The following HSF5 variants were observed in gnomAD, a reference collection of about 807,000 sequenced individuals.
The protein encoded by HSF5 is heat shock factor protein 5.
A neutral mutation model predicts 50.8 loss-of-function variants in HSF5; 5 were observed. That is an observed-to-expected ratio of 0.10 (90% CI 0.05 to 0.21). HSF5 has a LOEUF of 0.21. Among genes scored for constraint, HSF5 ranks in the 10% least tolerant of loss-of-function variants. The pLI is 1.00. For missense variants in HSF5, 564 were observed against 762.6 expected, an observed-to-expected ratio of 0.74 and a Z score of 3.07; for synonymous variants, 307 against 307.4, an observed-to-expected ratio of 1.00 and a Z score of 0.02.
intron 5 of HSF5, among the ~76,000 whole-genome samples, chr17:58,426,895 C>A (rs183281128): frequency 2.6e-5 from 4 of 152,190 alleles, no homozygotes; most frequent in Admixed American, 2.6e-4. Context: ...TCCTCCCTAA[C>A]AAAATACACA....
At chr17:58,467,192 T>A (rs1175833834) in intron 2 of HSF5, among the ~76,000 whole-genome samples, 1 of 152,220 alleles carries the variant, frequency 6.6e-6, no homozygotes, top group African/African-American at 2.4e-5. Flanking sequence ...AAGGGTCATG[T>A]CTAATGTCTA....
chr17:58,461,199 G>A (rs1273353918), intron 4 of HSF5, among the ~76,000 whole-genome samples: 1 of 144,034 alleles, frequency 6.9e-6, no homozygotes, highest in Non-Finnish European at 1.5e-5. Context: ...GAGCAACAGA[G>A]CGAGATTCCA....
Position 58,488,363 on chromosome 17 carries a change from C to T in HSF5, c.-89G>A, listed in dbSNP as rs1975226976. 2 of 1,341,488 alleles carry T rather than the reference C, an allele frequency of 1.5e-6. No homozygotes were observed. The highest frequency in any genetic ancestry group is 1.5e-5 in the African/African-American group (1 of 64,848). The allele number at this position is 1,341,488 out of a possible 1,614,324, so 83.1% of individuals were successfully genotyped here. On this transcript the variant is annotated 5_prime_UTR_variant, in exon 1 of 6. Transcript: ENST00000323777. The surrounding 1 kb of genome is among the most constrained non-coding windows in gnomAD (Gnocchi z 4.1). The stretch of plus-strand genomic sequence containing the variant: ...CCCGGCCTTCGCCTCGCCCTGCCCG[C>T]TCCTGCCGGCGCCCATCCGCCGCGT...
intron 2 of HSF5, among the ~76,000 whole-genome samples, chr17:58,479,007 T>C (rs1975064254): frequency 6.6e-6 from 1 of 152,058 alleles, no homozygotes; most frequent in African/African-American, 2.4e-5. Context: ...TCAATGCCCT[T>C]GCTTGAGTTC....
At chr17:58,459,059 T>C (rs1412103970) in intron 4 of HSF5, 114 bp from the exon 5 acceptor site, 8 of 906,282 alleles carry the variant, frequency 8.8e-6, no homozygotes, top group Non-Finnish European at 1.4e-5. Context: ...AACAAGCTTA[T>C]AAGGCTTTTC....
rs1165251860 is a variant in HSF5 at position 58,478,911 on chromosome 17, C to CT, written c.925+981dup. Among the ~76,000 whole-genome samples the CT allele has an allele frequency of 7.2e-4, 105 of 146,166 alleles. 1 individual carries two copies. Among genetic ancestry groups the CT allele is most frequent in the African/African-American group, 2.2e-3 (88 of 40,106 alleles). On this transcript the variant is annotated intron_variant, in intron 2 of 5. Coordinates refer to ENST00000323777, the MANE Select transcript of HSF5 (RefSeq NM_001080439.3). Reference sequence around the variant, plus strand: ...AAGAAAAGAAAAGAAGAAAACACAACTTTTTTTTTTCCCCAAGAAGCAAAA... The same window carrying CT: ...AAGAAAAGAAAAGAAGAAAACACAACTTTTTTTTTTTCCCCAAGAAGCAAAA...
Position 58,422,186 on chromosome 17 carries a change from C to T in HSF5, c.*174G>A. On this transcript the variant is annotated 3_prime_UTR_variant, in exon 6 of 6. Coordinates refer to ENST00000323777, the MANE Select transcript of HSF5 (RefSeq NM_001080439.3). The stretch of plus-strand genomic sequence containing the variant: ...TCAAGGCAGATAATCTGAACTGAAC[C>T]ACTGTAGTACATACAAATTCCCAAT... 2 of 554,916 alleles carry T rather than the reference C, an allele frequency of 3.6e-6. No homozygotes were observed. The highest frequency in any genetic ancestry group is 6.4e-6 in the Non-Finnish European group (2 of 312,784). The allele number at this position is 554,916 out of a possible 1,614,324, so 34.4% of individuals were successfully genotyped here. A position where few individuals can be genotyped will look rare whatever the true frequency, so the allele number is the denominator to read the frequency against.
rs770822725 is a variant in HSF5 at position 58,478,280 on chromosome 17, A to AAT, written c.925+1611_925+1612dup. Among the ~76,000 whole-genome samples, 1,138 of 132,740 alleles carry AAT rather than the reference A, an allele frequency of 8.6e-3. 12 individuals carry two copies. Among genetic ancestry groups the AAT allele is most frequent in the African/African-American group, 0.026 (915 of 35,814 alleles). The allele number at this position is 132,740 out of a possible 152,430, so 87.1% of individuals were successfully genotyped here. A position where few individuals can be genotyped will look rare whatever the true frequency, so the allele number is the denominator to read the frequency against. On this transcript the variant is annotated intron_variant, in intron 2 of 5. Coordinates refer to ENST00000323777, the MANE Select transcript of HSF5 (RefSeq NM_001080439.3). ...AACCCTGTCTCTACTAAAATAAATA[A>AAT]ATATATATATATATATATATACACA... is the stretch of plus-strand genomic sequence containing the variant.
chr17:58,482,709 C>CAAAAAAAAAAAAAAAAAAA (rs34783781), intron 1 of HSF5, among the ~76,000 whole-genome samples: 1 of 13,462 alleles, frequency 7.4e-5, no homozygotes, highest in African/African-American at 3.1e-4. Context: ...GACTCCATCT[C>CAAAAAAAAAAAAAAAAAAA]AAAAAAAAAA....
chr17:58,482,941 TAA>T (rs146166864), intron 1 of HSF5, among the ~76,000 whole-genome samples: 35 of 131,136 alleles, frequency 2.7e-4, no homozygotes, highest in East Asian at 4.3e-4. Context: ...CTCTGTCTTT[TAA>T]AAAAAAAAAA....
At chr17:58,474,453 T>C (rs982201809) in intron 2 of HSF5, among the ~76,000 whole-genome samples, 1 of 152,092 alleles carries the variant, frequency 6.6e-6, no homozygotes, top group Non-Finnish European at 1.5e-5. Flanking sequence ...AACACAAAAT[T>C]CTCTATATAC....
Position 58,480,149 on chromosome 17 carries a change from C to G in HSF5, c.669G>C (p.Arg223=). ...GCCATATTCTATGAGGAACTGGGGT[C>G]CGATCTAAACCTTTCAGAGGGTAAG... ...HSTYPLKGLD[R]TPVPHRIWQN... is the part of the protein sequence containing the mutation. Residue 223 remains arginine, a synonymous_variant, in exon 2 of 6, where the codon CGG becomes CGC. Coordinates refer to ENST00000323777, the MANE Select transcript of HSF5 (RefSeq NM_001080439.3). 1 of 1,614,172 alleles carries G rather than the reference C, an allele frequency of 6.2e-7. No individual in the cohort carries two copies. Among genetic ancestry groups the G allele is most frequent in the Non-Finnish European group, 8.5e-7 (1 of 1,180,034 alleles).
Position 58,462,636 on chromosome 17 carries a change from A to G in HSF5, c.1542+146T>C, listed in dbSNP as rs547276321. The G allele has an allele frequency of 6.8e-4, 494 of 721,610 alleles. 3 individuals carry two copies. Among genetic ancestry groups the G allele is most frequent in the Non-Finnish European group, 7.5e-4 (331 of 444,028 alleles). The allele number at this position is 721,610 out of a possible 1,614,324, so 44.7% of individuals were successfully genotyped here. A position where few individuals can be genotyped will look rare whatever the true frequency, so the allele number is the denominator to read the frequency against. On this transcript the variant is annotated intron_variant, in intron 4 of 5. Coordinates refer to ENST00000323777, the MANE Select transcript of HSF5 (RefSeq NM_001080439.3). ...CTTCTTTCTGAATCTTTTGTGCAGA[A>G]CCACTGGGACATGATCCTCCTGGAA...
intron 5 of HSF5, among the ~76,000 whole-genome samples, chr17:58,452,787 T>TTG (rs1336280465): frequency 5.3e-5 from 8 of 152,250 alleles, no homozygotes; most frequent in African/African-American, 9.6e-5. Flanking sequence ...AATGGCAGCC[T>TTG]TGTGTGTGTG....
At chr17:58,445,326 T>C (rs1974546303) in intron 5 of HSF5, among the ~76,000 whole-genome samples, 1 of 152,136 alleles carries the variant, frequency 6.6e-6, no homozygotes, top group Admixed American at 6.5e-5. Flanking sequence ...ACGCCTGTAG[T>C]CCCAGTACTT....
At chr17:58,426,944 G>A (rs575221175) in intron 5 of HSF5, among the ~76,000 whole-genome samples, 2 of 151,846 alleles carry the variant, frequency 1.3e-5, no homozygotes, top group East Asian at 1.9e-4. Flanking sequence ...TAATCAATTC[G>A]AAGTCTCTTA....
At chr17:58,482,215 AG>A (rs952147681) in intron 1 of HSF5, among the ~76,000 whole-genome samples, 7 of 152,316 alleles carry the variant, frequency 4.6e-5, no homozygotes, top group African/African-American at 1.7e-4. Context: ...TTTATCTAAT[AG>A]GGGGAAAAAA....
At chr17:58,476,641 G>T in intron 2 of HSF5, 3 of 1,552,088 alleles carry the variant, frequency 1.9e-6, no homozygotes, top group Non-Finnish European at 2.7e-6. Flanking sequence ...ATAATGCAGT[G>T]CCTCTTCGTC....
Position 58,422,448 on chromosome 17 carries a change from T to G in HSF5, c.1721-18A>C. The G allele has an allele frequency of 1.2e-6, 2 of 1,608,688 alleles. No homozygotes were observed. Among genetic ancestry groups the G allele is most frequent in the East Asian group, 2.2e-5 (1 of 44,852 alleles). Reference sequence around the variant, plus strand: ...ATGAAGATCTAGAAAGAAAGGATAGTTTACTCCCTCTTAGCCTCTCTGTAG... The same window carrying G: ...ATGAAGATCTAGAAAGAAAGGATAGGTTACTCCCTCTTAGCCTCTCTGTAG... On this transcript the variant is annotated intron_variant, in intron 5 of 5. Transcript: ENST00000323777.
Sources: gnomAD v4.1 joint callset for allele counts (sites outside exome capture counted in the v4.1 genomes callset) on GRCh38, gnomAD v4.1.1 for gene constraint, Gnocchi (gnomAD v3.1) non-coding constraint, MANE v1.5 for transcripts, NCBI Gene and HGNC (gene_info 2026-07-23, HGNC 2026-07-21) for gene names.